The following ATOSA variants were observed in gnomAD, a reference collection of about 807,000 sequenced individuals.
ATOSA encodes the protein atos homolog protein A.
the ATOSA span, among the ~76,000 whole-genome samples, chr15:52,644,328 C>A: frequency 6.6e-6 from 1 of 152,140 alleles, no homozygotes; most frequent in Non-Finnish European, 1.5e-5. Flanking sequence ...ATCAGATGAT[C>A]TCTGTTTCAG....
chr15:52,699,543 G>A, the ATOSA span, among the ~76,000 whole-genome samples: 1 of 151,132 alleles, frequency 6.6e-6, no homozygotes, highest in African/African-American at 2.4e-5. Context: ...CCTCAGTAAG[G>A]CCTCTTCACC....
the ATOSA span, chr15:52,601,282 C>G: frequency 1.6e-6 from 1 of 615,240 alleles, no homozygotes; most frequent in Non-Finnish European, 2.8e-6. Flanking sequence ...TACAACTTCT[C>G]CTATAATAGC....
the ATOSA span, among the ~76,000 whole-genome samples, chr15:52,645,408 C>T: frequency 2.0e-5 from 3 of 151,968 alleles, no homozygotes; most frequent in Admixed American, 6.6e-5. Flanking sequence ...TATGCCACTG[C>T]GCTCCAGCCT....
chr15:52,683,468 G>A, the ATOSA span, among the ~76,000 whole-genome samples: 1 of 152,142 alleles, frequency 6.6e-6, no homozygotes, highest in Admixed American at 6.5e-5. Context: ...ATACACTTAG[G>A]CTTAGTGCTT....
At chr15:52,692,147 C>T in the ATOSA span, among the ~76,000 whole-genome samples, 5 of 152,102 alleles carry the variant, frequency 3.3e-5, no homozygotes, top group Non-Finnish European at 7.4e-5. Context: ...AATATTAGCG[C>T]AGAATCCAGA....
the ATOSA span, among the ~76,000 whole-genome samples, chr15:52,600,760 T>C: frequency 4.0e-5 from 6 of 150,878 alleles, no homozygotes; most frequent in African/African-American, 1.5e-4. Flanking sequence ...ATCAGAGTAT[T>C]ATTTGCCAAC....
At chr15:52,631,506 T>A in the ATOSA span, among the ~76,000 whole-genome samples, 1 of 152,198 alleles carries the variant, frequency 6.6e-6, no homozygotes, top group African/African-American at 2.4e-5. Context: ...ACAATATTGT[T>A]CAACTTTCCA....
At chr15:52,638,325 T>C in the ATOSA span, among the ~76,000 whole-genome samples, 4 of 152,308 alleles carry the variant, frequency 2.6e-5, no homozygotes, top group East Asian at 7.7e-4. Flanking sequence ...GCTTACCTTC[T>C]ATAACATGCC....
At chr15:52,632,244 C>T in the ATOSA span, among the ~76,000 whole-genome samples, 1 of 152,180 alleles carries the variant, frequency 6.6e-6, no homozygotes, top group Admixed American at 6.5e-5. Context: ...AAGTAGTTCT[C>T]TTAATCCTTA....
the ATOSA span, among the ~76,000 whole-genome samples, chr15:52,701,586 T>A: frequency 6.6e-6 from 1 of 152,160 alleles, no homozygotes; most frequent in Non-Finnish European, 1.5e-5. Flanking sequence ...CTTCAAATGA[T>A]CAGAAATCTA....
the ATOSA span, among the ~76,000 whole-genome samples, chr15:52,595,191 G>C: frequency 5.3e-5 from 8 of 152,110 alleles, no homozygotes; most frequent in Non-Finnish European, 1.2e-4. Flanking sequence ...AGATACACAA[G>C]TACTAGGCAA....
the ATOSA span, among the ~76,000 whole-genome samples, chr15:52,597,887 G>A: frequency 6.6e-6 from 1 of 152,320 alleles, no homozygotes; most frequent in South Asian, 2.1e-4. Context: ...CACTTTGGGA[G>A]GCCGAGGCAG....
At chr15:52,645,423 G>T in the ATOSA span, among the ~76,000 whole-genome samples, 1 of 150,888 alleles carries the variant, frequency 6.6e-6, no homozygotes, top group African/African-American at 2.4e-5. Context: ...CAGCCTGGGC[G>T]ACAAAGCAAG....
chr15:52,678,302 C>G, the ATOSA span: 2 of 589,902 alleles, frequency 3.4e-6, no homozygotes. Context: ...CGAGCACCCC[C>G]TTCCCTGCCT....
the ATOSA span, among the ~76,000 whole-genome samples, chr15:52,707,980 G>A: frequency 5.9e-5 from 9 of 152,132 alleles, no homozygotes; most frequent in African/African-American, 9.7e-5. Context: ...CACCATTCCT[G>A]TCATAGAAAC....
the ATOSA span, chr15:52,678,558 C>G: frequency 6.4e-6 from 1 of 156,884 alleles, no homozygotes; most frequent in South Asian, 1.8e-4. Context: ...TCCGCCCGCC[C>G]CGCCGGGCCT....
the ATOSA span, among the ~76,000 whole-genome samples, chr15:52,674,391 C>G: frequency 1.3e-5 from 2 of 152,040 alleles, no homozygotes; most frequent in Admixed American, 1.3e-4. Flanking sequence ...ACCAGGTATT[C>G]AATATACACA....
the ATOSA span, among the ~76,000 whole-genome samples, chr15:52,699,867 C>A: frequency 6.6e-6 from 1 of 152,142 alleles, no homozygotes; most frequent in African/African-American, 2.4e-5. Flanking sequence ...AGCAGCAATT[C>A]AGTCTTCTGC....
At chr15:52,651,581 A>G in the ATOSA span, among the ~76,000 whole-genome samples, 1 of 152,166 alleles carries the variant, frequency 6.6e-6, no homozygotes, top group African/African-American at 2.4e-5. Flanking sequence ...TCTCATTTCT[A>G]TCACATTTTT....
Sources: gnomAD v4.1 joint callset for allele counts (sites outside exome capture counted in the v4.1 genomes callset) on GRCh38, gnomAD v4.1.1 for gene constraint, MANE v1.5 for transcripts, NCBI Gene and HGNC (gene_info 2026-07-23, HGNC 2026-07-21) for gene names.